The following ZC3H6 variants were observed in gnomAD, a reference collection of about 807,000 sequenced individuals.
The protein encoded by ZC3H6 is zinc finger CCCH domain-containing protein 6.
Under a neutral mutation model 107.7 loss-of-function variants are expected in ZC3H6, and 40 were observed. The ratio of observed to expected loss-of-function variants is 0.37; its 90% CI spans 0.29 to 0.48. The LOEUF is 0.48. Among genes scored for constraint, ZC3H6 ranks in the 20% least tolerant of loss-of-function variants. ZC3H6 has a pLI of 0.98. For synonymous variants in ZC3H6, 493 were observed against 487.9 expected (o/e 1.01, Z -0.14); for missense variants, 1,267 against 1,410.4 (o/e 0.90, Z 1.63).
chr2:112,312,556 G>C (rs979698674), intron 5 of ZC3H6, among the ~76,000 whole-genome samples: 2 of 152,124 alleles, frequency 1.3e-5, no homozygotes, highest in African/African-American at 4.8e-5. Context: ...AGAGGCAATA[G>C]TGGGTCATTA....
rs912261889 is a variant in ZC3H6 at position 112,339,740 on chromosome 2, C to G, written c.*7252C>G. The G allele has an allele frequency of 6.6e-6, 1 of 151,610 alleles. No homozygotes were observed. Among genetic ancestry groups the G allele is most frequent in the Non-Finnish European group, 1.5e-5 (1 of 67,964 alleles). 9.4% of individuals were successfully genotyped at this position (151,610 alleles called of 1,614,324 possible). On this transcript the variant is annotated 3_prime_UTR_variant, in exon 12 of 12. Coordinates refer to ENST00000409871, the MANE Select transcript of ZC3H6 (RefSeq NM_198581.3). Reference sequence around the variant, plus strand: ...ACTTTCTACTGTAATTATTTCAGTTCCCCGAAGTTGTATCTCAAATGTTGG... The same window carrying G: ...ACTTTCTACTGTAATTATTTCAGTTGCCCGAAGTTGTATCTCAAATGTTGG...
intron 2 of ZC3H6, among the ~76,000 whole-genome samples, chr2:112,302,755 T>C (rs1676404433): frequency 6.6e-6 from 1 of 152,188 alleles, no homozygotes; most frequent in South Asian, 2.1e-4. Flanking sequence ...GTGGGCCAGA[T>C]TTATTTTATT....
At chr2:112,292,222 C>T (rs1330327365) in intron 1 of ZC3H6, among the ~76,000 whole-genome samples, 2 of 152,038 alleles carry the variant, frequency 1.3e-5, no homozygotes, top group South Asian at 4.1e-4. Context: ...TTTAACAATC[C>T]CCTCCCCTAT....
chr2:112,313,593 A>G (rs1328693701), intron 5 of ZC3H6, among the ~76,000 whole-genome samples: 2 of 152,228 alleles, frequency 1.3e-5, no homozygotes, highest in Non-Finnish European at 2.9e-5. Flanking sequence ...TACCTAAAAG[A>G]TAATCATATA....
intron 3 of ZC3H6, among the ~76,000 whole-genome samples, chr2:112,307,998 A>G (rs1676509169): frequency 6.6e-6 from 1 of 152,244 alleles, no homozygotes; most frequent in South Asian, 2.1e-4. Context: ...GAAATATATC[A>G]AGTATTAATA....
At position 112,331,524 on chromosome 2, in the gene ZC3H6, C is replaced by T. The variant is rs745871307; in HGVS notation, c.2606C>T (p.Thr869Ile). ...CACATTAAAATGGACATTACTCTAA[C>T]CAAACCCAACTTTGCAAAACACATC... Reference protein sequence around the residue: ...FSHIKMDITLTKPNFAKHIVW... With the variant: ...FSHIKMDITLIKPNFAKHIVW... Residue 869 changes from threonine (T) to isoleucine (I), a missense_variant, in exon 12 of 12, where the codon ACC becomes ATC. Physicochemically the swap from Thr to Ile is moderately conservative, Grantham distance 89 (BLOSUM62 -1). Transcript: ENST00000409871. The T allele has an allele frequency of 3.1e-6, 5 of 1,613,976 alleles. No homozygotes were observed. The South Asian group carries it at 3.3e-5, about 11-fold the overall frequency.
intron 7 of ZC3H6, 92 bp downstream of exon 7, chr2:112,317,424 C>CCAAA: frequency 1.5e-6 from 1 of 674,530 alleles, no homozygotes; most frequent in Non-Finnish European, 2.4e-6. Context: ...CCCTATAAAG[C>CCAAA]CTAGTTTGGT....
At chr2:112,317,198 C>CTTTTTTTTTTTTT in intron 6 of ZC3H6, 23 bp from the exon 7 acceptor site, 1 of 1,027,106 alleles carries the variant, frequency 9.7e-7, no homozygotes, top group Non-Finnish European at 1.3e-6. Flanking sequence ...TTTCTTTTTT[C>CTTTTTTTTTTTTT]TTTTTTTTTT....
chr2:112,288,997 C>T (rs969843038), intron 1 of ZC3H6, among the ~76,000 whole-genome samples: 2 of 148,854 alleles, frequency 1.3e-5, no homozygotes, highest in African/African-American at 4.9e-5. Context: ...TGCCCACCCC[C>T]CCGCCACCAC....
At chr2:112,317,836 TA>T (rs1398467743) in intron 7 of ZC3H6, among the ~76,000 whole-genome samples, 1 of 152,192 alleles carries the variant, frequency 6.6e-6, no homozygotes, top group South Asian at 2.1e-4. Flanking sequence ...TCTGGTCCTT[TA>T]AAAAAATGTA....
chr2:112,278,478 T>C (rs1408417907), intron 1 of ZC3H6, among the ~76,000 whole-genome samples: 3 of 152,088 alleles, frequency 2.0e-5, no homozygotes, highest in African/African-American at 4.8e-5. Context: ...CCACCACACC[T>C]GGCTAATTTT....
In ZC3H6 at chr2:112,291,480, C is replaced by T. The variant is rs1364740787; in HGVS notation, c.33-8369C>T. Among the ~76,000 whole-genome samples the T allele has an allele frequency of 5.3e-5, 8 of 152,088 alleles. No individual in the cohort carries two copies. In the East Asian group the frequency reaches 5.8e-4, roughly 11 times the overall value. The stretch of plus-strand genomic sequence containing the variant: ...AACTCCTGACCTCAGGTAATCCGTC[C>T]GCCTCAGCCTCCCAAAGTGCTGTGA... On this transcript the variant is annotated intron_variant, in intron 1 of 11. Transcript: ENST00000409871.
At position 112,317,126 on chromosome 2, in the gene ZC3H6, A is replaced by G; in HGVS notation, c.865-95A>G. On this transcript the variant is annotated intron_variant, in intron 6 of 11. Coordinates refer to ENST00000409871, the MANE Select transcript of ZC3H6 (RefSeq NM_198581.3). ...TGAAGATAATGACCATAATTTTACC[A>G]TGAGACACCATGTAGAAAATTCAGC... The G allele has an allele frequency of 6.1e-6, 4 of 652,848 alleles. No individual in the cohort carries two copies. In the South Asian group the frequency reaches 7.2e-5, roughly 12 times the overall value. The allele number at this position is 652,848 out of a possible 1,614,324, so 40.4% of individuals were successfully genotyped here. A position where few individuals can be genotyped will look rare whatever the true frequency, so the allele number is the denominator to read the frequency against.
At position 112,317,202 on chromosome 2, in the gene ZC3H6, T is replaced by C. The variant is rs1281211216; in HGVS notation, c.865-19T>C. 2 of 1,320,846 alleles carry C rather than the reference T, an allele frequency of 1.5e-6. No individual in the cohort carries two copies. The highest frequency in any genetic ancestry group is 2.0e-6 in the Non-Finnish European group (2 of 997,518). 81.8% of individuals were successfully genotyped at this position (1,320,846 alleles called of 1,614,324 possible). On this transcript the variant is annotated intron_variant, in intron 6 of 11. Coordinates refer to ENST00000409871, the MANE Select transcript of ZC3H6 (RefSeq NM_198581.3). ...TCTTACCTTTTTTTCTTTTTTCTTTTTTTTTTTTTTGTGAATAGGGAGATC... is the reference window on the plus strand; with the variant it reads ...TCTTACCTTTTTTTCTTTTTTCTTTCTTTTTTTTTTGTGAATAGGGAGATC...
chr2:112,316,664 A>C (rs1435566822), intron 6 of ZC3H6, 78 bp downstream of exon 6: 1 of 877,302 alleles, frequency 1.1e-6, no homozygotes, highest in Non-Finnish European at 1.7e-6. Flanking sequence ...GGGGATGGTT[A>C]ATTTTTTTCT....
Position 112,326,088 on chromosome 2 carries a change from C to T in ZC3H6, c.2086+891C>T, listed in dbSNP as rs182632844. On this transcript the variant is annotated intron_variant, in intron 11 of 11. Coordinates refer to ENST00000409871, the MANE Select transcript of ZC3H6 (RefSeq NM_198581.3). ...AATTTTTAAATTATTTTTGTGGGTA[C>T]GTAGTAGGTATATATATTTATGGAG... Among the ~76,000 whole-genome samples, 415 of 151,840 alleles carry T rather than the reference C, an allele frequency of 2.7e-3. 2 individuals are homozygous for T. The highest frequency in any genetic ancestry group is 9.8e-3 in the African/African-American group (407 of 41,440).
intron 11 of ZC3H6, among the ~76,000 whole-genome samples, chr2:112,329,700 T>C (rs1676984201): frequency 6.6e-6 from 1 of 152,246 alleles, no homozygotes. Flanking sequence ...AAAATGAGAA[T>C]ATCTAGGATA....
intron 5 of ZC3H6, among the ~76,000 whole-genome samples, chr2:112,312,428 A>G (rs1676610941): frequency 1.3e-5 from 2 of 152,218 alleles, no homozygotes; most frequent in African/African-American, 4.8e-5. Context: ...TTCAATAAAT[A>G]TATGTCAAAT....
At position 112,335,472 on chromosome 2, in the gene ZC3H6, A is replaced by G. The variant is rs1344322592; in HGVS notation, c.*2984A>G. ...TACAAGGGCTGGAAGTTTAAAGAGA[A>G]TAAATTCATATTTTTTGTTCTGAAT... is the stretch of plus-strand genomic sequence containing the variant. On this transcript the variant is annotated 3_prime_UTR_variant, in exon 12 of 12. Transcript: ENST00000409871. 6.6e-6 allele frequency: 1 copy of G among 152,130 alleles called. No homozygotes were observed. The highest frequency in any genetic ancestry group is 1.9e-4 in the East Asian group (1 of 5,200). 9.4% of individuals were successfully genotyped at this position (152,130 alleles called of 1,614,324 possible). A position where few individuals can be genotyped will look rare whatever the true frequency, so the allele number is the denominator to read the frequency against.
Sources: allele counts gnomAD v4.1 joint callset (sites outside exome capture counted in the v4.1 genomes callset), GRCh38; gene constraint gnomAD v4.1.1; transcripts MANE v1.5; gene names NCBI Gene and HGNC (gene_info 2026-07-23, HGNC 2026-07-21).